Variants in ZNF138 observed in about 807,000 individuals in gnomAD.
ZNF138 encodes zinc finger protein 138 (clone pHZ-32).
ZNF138 carries 33 observed loss-of-function variants against 33.0 expected under a neutral mutation model. That is an observed-to-expected ratio of 1.00 (90% CI 0.76 to 1.34). The LOEUF is 1.34. ZNF138 is among the 40% of genes most tolerant of loss of function. The pLI, the probability that ZNF138 is intolerant of heterozygous loss-of-function variation, is 0.00. For synonymous variants in ZNF138, 139 were observed against 120.4 expected (o/e 1.15, Z -1.01); for missense variants, 360 against 370.8 (o/e 0.97, Z 0.24).
intron 3 of ZNF138, among the ~76,000 whole-genome samples, chr7:64,824,435 T>C (rs1789409802): frequency 6.6e-6 from 1 of 152,230 alleles, no homozygotes; most frequent in South Asian, 2.1e-4. Context: ...TTACAGATTA[T>C]CTACTCGGGT....
chr7:64,852,288 T>G, the ZNF138 span: 13 of 747,574 alleles, frequency 1.7e-5, no homozygotes, highest in Non-Finnish European at 3.0e-5. Context: ...GGTCACCTGA[T>G]ATGTAGATAC....
At chr7:64,852,958 G>T in the ZNF138 span, 1 of 1,331,070 alleles carries the variant, frequency 7.5e-7, no homozygotes, top group South Asian at 1.2e-5. Flanking sequence ...CCATTTCCCT[G>T]TTGGTCATTT....
chr7:64,794,603 G>C (rs757723908), intron 1 of ZNF138, 32 bp downstream of exon 1: 15 of 1,613,254 alleles, frequency 9.3e-6, no homozygotes, highest in Non-Finnish European at 1.3e-5. Context: ...TCCCGAGAGA[G>C]GGGGAGGGAG....
At chr7:64,812,206 T>C (rs569357337) in intron 1 of ZNF138, among the ~76,000 whole-genome samples, 1 of 151,994 alleles carries the variant, frequency 6.6e-6, no homozygotes, top group African/African-American at 2.4e-5. Context: ...TCTGCCAGGC[T>C]AGAATGCAGT....
At position 64,832,552 on chromosome 7, in the gene ZNF138, A is replaced by C; in HGVS notation, c.*350A>C. ...AACTGGTCCTCAACTCTTATTACAC[A>C]TAAGATAATTCACAGTGGAGAAAAA... On this transcript the variant is annotated 3_prime_UTR_variant, in exon 4 of 4. Transcript: ENST00000307355. 1 of 611,048 alleles carries C rather than the reference A, an allele frequency of 1.6e-6. No homozygotes were observed. Among genetic ancestry groups the C allele is most frequent in the Non-Finnish European group, 2.7e-6 (1 of 366,822 alleles). 37.9% of individuals were successfully genotyped at this position (611,048 alleles called of 1,614,324 possible). A position where few individuals can be genotyped will look rare whatever the true frequency, so the allele number is the denominator to read the frequency against.
At chr7:64,849,208 T>C in the ZNF138 span, among the ~76,000 whole-genome samples, 7 of 152,088 alleles carry the variant, frequency 4.6e-5, no homozygotes, top group African/African-American at 1.7e-4. Flanking sequence ...GCTGTAATGA[T>C]TGTTATCTTT....
chr7:64,804,191 C>T (rs1430741030), intron 1 of ZNF138, among the ~76,000 whole-genome samples: 4 of 152,120 alleles, frequency 2.6e-5, no homozygotes, highest in Admixed American at 6.6e-5. Context: ...GGCGCCACAC[C>T]GTGGGCCTGG....
the ZNF138 span, among the ~76,000 whole-genome samples, chr7:64,839,175 C>T: frequency 6.6e-6 from 1 of 152,182 alleles, no homozygotes; most frequent in Non-Finnish European, 1.5e-5. Flanking sequence ...GTTGAGTGTG[C>T]CTTCGGGGGG....
In ZNF138 at chr7:64,814,018, A is replaced by G. The variant is rs1431113353; in HGVS notation, c.4-900A>G. ...TCTATCTTAGGTTTCCTTTGCATAT[A>G]TCTGTCTTTGGAAAATCAAGGCTCT... is the stretch of plus-strand genomic sequence containing the variant. On this transcript the variant is annotated intron_variant, in intron 1 of 3. Coordinates refer to ENST00000307355, the MANE Select transcript of ZNF138 (RefSeq NM_001271639.2). 5.9e-6 allele frequency: 7 copies of G among 1,182,684 alleles called. No homozygotes were observed. In the African/African-American group the frequency reaches 8.5e-5, roughly 14 times the overall value. The allele number at this position is 1,182,684 out of a possible 1,614,324, so 73.3% of individuals were successfully genotyped here.
At chr7:64,838,476 A>C (rs1060405), downstream of ZNF138, among the ~76,000 whole-genome samples, 1 of 151,862 alleles carries the variant, frequency 6.6e-6, no homozygotes, top group East Asian at 1.9e-4. Flanking sequence ...TCGTACCTCT[A>C]CCTCTCCTGC....
intron 3 of ZNF138, among the ~76,000 whole-genome samples, chr7:64,828,898 T>A (rs1303616489): frequency 6.6e-6 from 1 of 152,174 alleles, no homozygotes; most frequent in African/African-American, 2.4e-5. Context: ...AAACATTGCA[T>A]TAAATCTGTA....
chr7:64,812,778 G>T lies in ZNF138; in HGVS notation c.4-2140G>T, dbSNP rs118083105. On this transcript the variant is annotated intron_variant, in intron 1 of 3. Coordinates refer to ENST00000307355, the MANE Select transcript of ZNF138 (RefSeq NM_001271639.2). Reference sequence around the variant, plus strand: ...TTTAAAGGCATAAACTGAAGATGCAGGTGTAATTTGTCCAGAGAATCTCAT... The same window carrying T: ...TTTAAAGGCATAAACTGAAGATGCATGTGTAATTTGTCCAGAGAATCTCAT... Among the ~76,000 whole-genome samples the T allele has an allele frequency of 4.0e-5, 6 of 151,818 alleles. No homozygotes were observed. In the East Asian group the frequency reaches 1.2e-3, roughly 29 times the overall value.
chr7:64,808,779 G>A (rs1200130376), intron 1 of ZNF138, among the ~76,000 whole-genome samples: 1 of 132,824 alleles, frequency 7.5e-6, no homozygotes, highest in African/African-American at 2.5e-5. Flanking sequence ...TTGAGATTAG[G>A]GAGTGGTGAT....
intron 3 of ZNF138, among the ~76,000 whole-genome samples, chr7:64,818,972 T>G (rs953746632): frequency 1.3e-5 from 2 of 152,206 alleles, no homozygotes; most frequent in African/African-American, 4.8e-5. Context: ...ACATGTCTCT[T>G]ATTATTGTTT....
intron 1 of ZNF138, among the ~76,000 whole-genome samples, chr7:64,799,311 C>T (rs1786955160): frequency 6.6e-6 from 1 of 152,058 alleles, no homozygotes; most frequent in Non-Finnish European, 1.5e-5. Flanking sequence ...GGATTACAGA[C>T]ATGCGCCACC....
At chr7:64,806,011 G>C (rs1412334233) in intron 1 of ZNF138, among the ~76,000 whole-genome samples, 1 of 152,216 alleles carries the variant, frequency 6.6e-6, no homozygotes, top group Admixed American at 6.5e-5. Flanking sequence ...ACATTTGGTT[G>C]AATTGTGTAA....
At chr7:64,839,919 C>T in the ZNF138 span, among the ~76,000 whole-genome samples, 47,386 of 149,282 alleles carry the variant, frequency 0.32, 7,943 homozygotes, top group Non-Finnish European at 0.37. Context: ...TGGTCCGCAG[C>T]GGGAGGGCCA....
the ZNF138 span, among the ~76,000 whole-genome samples, chr7:64,839,116 A>C: frequency 1.8e-4 from 27 of 152,174 alleles, no homozygotes; most frequent in Non-Finnish European, 2.9e-5. Context: ...ATTTTTGACT[A>C]TTTGCCTCGC....
At chr7:64,828,857 A>G (rs920840394) in intron 3 of ZNF138, among the ~76,000 whole-genome samples, 8 of 151,312 alleles carry the variant, frequency 5.3e-5, no homozygotes, top group Admixed American at 2.0e-4. Flanking sequence ...TGCTGTTTCT[A>G]TTTCTTGAAA....
Sources: gnomAD v4.1 joint callset for allele counts (sites outside exome capture counted in the v4.1 genomes callset) on GRCh38, gnomAD v4.1.1 for gene constraint, MANE v1.5 for transcripts, NCBI Gene and HGNC (gene_info 2026-07-23, HGNC 2026-07-21) for gene names.